NAALADL2: variants seen among roughly 807,000 people sequenced by gnomAD.
NAALADL2 encodes the protein N-acetylated alpha-linked acidic dipeptidase like 2.
Under a neutral mutation model 87.2 loss-of-function variants are expected in NAALADL2, and 76 were observed. The observed-to-expected ratio is 0.87, with a 90% confidence interval of 0.72 to 1.05. The LOEUF is 1.05. Ranked by LOEUF, NAALADL2 falls within the 50% of genes least tolerant of loss-of-function variation. The pLI, the probability that NAALADL2 is intolerant of heterozygous loss-of-function variation, is 0.00. For missense variants in NAALADL2, 1,089 were observed against 945.8 expected (o/e 1.15, Z -1.99); for synonymous variants, 354 against 331.0 (o/e 1.07, Z -0.75).
intron 1 of NAALADL2, among the ~76,000 whole-genome samples, chr3:174,892,921 C>CAAAAAAAAA (rs35081771): frequency 3.7e-5 from 4 of 108,530 alleles, no homozygotes; most frequent in African/African-American, 1.3e-4. Context: ...GACTCCAACT[C>CAAAAAAAAA]AAAAAAAAAA....
intron 1 of NAALADL2, among the ~76,000 whole-genome samples, chr3:174,885,169 C>A (rs1159323751): frequency 1.3e-5 from 2 of 152,194 alleles, no homozygotes; most frequent in Admixed American, 1.3e-4. Context: ...GGGTCCCATT[C>A]TTTCCCAATC....
At chr3:175,801,227 C>T (rs1222661127) in intron 13 of NAALADL2, among the ~76,000 whole-genome samples, 3 of 152,124 alleles carry the variant, frequency 2.0e-5, no homozygotes, top group South Asian at 4.1e-4. Flanking sequence ...TCTCCAGGCT[C>T]TACATTACAA....
intron 1 of NAALADL2, among the ~76,000 whole-genome samples, chr3:175,085,663 G>A (rs538486072): frequency 1.8e-4 from 28 of 152,260 alleles, no homozygotes; most frequent in South Asian, 6.2e-4. Flanking sequence ...GGTGGCTCAC[G>A]CCTGTAATCC....
chr3:175,099,324 GCT>G (rs1294299041), intron 2 of NAALADL2, among the ~76,000 whole-genome samples: 2 of 152,140 alleles, frequency 1.3e-5, no homozygotes, highest in Non-Finnish European at 2.9e-5. Context: ...GTCAAAGCTA[GCT>G]CTGAAAGCAT....
intron 2 of NAALADL2, among the ~76,000 whole-genome samples, chr3:174,691,154 G>A (rs1003824133): frequency 1.3e-5 from 2 of 152,174 alleles, no homozygotes; most frequent in Admixed American, 1.3e-4. Flanking sequence ...GCTTATGCCT[G>A]TAATCCCAGC....
chr3:175,611,022 A>C (rs116947112), intron 10 of NAALADL2, among the ~76,000 whole-genome samples: 1 of 152,128 alleles, frequency 6.6e-6, no homozygotes, highest in Non-Finnish European at 1.5e-5. Context: ...TCAGAGAGCT[A>C]AAGTGCATAA....
intron 1 of NAALADL2, among the ~76,000 whole-genome samples, chr3:174,896,822 CA>C (rs1731593403): frequency 6.6e-6 from 1 of 152,074 alleles, no homozygotes; most frequent in Non-Finnish European, 1.5e-5. Flanking sequence ...GGCATAAAAA[CA>C]GACACATAGA....
intron 4 of NAALADL2, among the ~76,000 whole-genome samples, chr3:175,288,723 T>G (rs191143755): frequency 6.6e-6 from 1 of 152,320 alleles, no homozygotes; most frequent in East Asian, 1.9e-4. Flanking sequence ...GTTAAATACA[T>G]TAATATTACC....
intron 11 of NAALADL2, among the ~76,000 whole-genome samples, chr3:175,632,380 C>T (rs1446985376): frequency 6.6e-6 from 1 of 151,134 alleles, no homozygotes; most frequent in African/African-American, 2.4e-5. Context: ...TTCCTGAGGT[C>T]TTCTAGCCAT....
At chr3:174,949,249 G>A (rs1421609541) in intron 1 of NAALADL2, among the ~76,000 whole-genome samples, 1 of 152,034 alleles carries the variant, frequency 6.6e-6, no homozygotes, top group Non-Finnish European at 1.5e-5. Context: ...CCTTCAAATG[G>A]GCTTTCTCAC....
intron 2 of NAALADL2, among the ~76,000 whole-genome samples, chr3:175,124,975 A>G (rs896729264): frequency 6.6e-6 from 1 of 151,888 alleles, no homozygotes; most frequent in African/African-American, 2.4e-5. Flanking sequence ...GCAGTTTTCA[A>G]ACATGGGTGA....
intron 3 of NAALADL2, among the ~76,000 whole-genome samples, chr3:174,765,664 A>G (rs939913367): frequency 6.6e-6 from 1 of 152,068 alleles, no homozygotes; most frequent in South Asian, 2.1e-4. Flanking sequence ...TGAATACAGG[A>G]TTTATTTTTT....
chr3:174,669,825 C>T lies in NAALADL2; in HGVS notation c.-114-67816C>T, dbSNP rs556871792. Among the ~76,000 whole-genome samples the T allele has an allele frequency of 9.2e-5, 14 of 151,948 alleles. 1 individual carries two copies. The South Asian group carries it at 1.7e-3, about 18-fold the overall frequency. On this transcript the variant is annotated intron_variant, in intron 2 of 3. Transcript: ENST00000434257. ...GTTAATTGAATCTGTAGGTAGCTTTCGATAGTATGAATATTTAACAATATA... is the reference window on the plus strand; with the variant it reads ...GTTAATTGAATCTGTAGGTAGCTTTTGATAGTATGAATATTTAACAATATA...
intron 5 of NAALADL2, among the ~76,000 whole-genome samples, chr3:175,363,307 CT>C (rs901943223): frequency 2.0e-5 from 3 of 147,194 alleles, no homozygotes; most frequent in Non-Finnish European, 4.5e-5. Context: ...TGTACAATGT[CT>C]TTTTTTGGTG....
chr3:174,657,312 A>G (rs919798908), intron 2 of NAALADL2, among the ~76,000 whole-genome samples: 1 of 151,922 alleles, frequency 6.6e-6, no homozygotes, highest in African/African-American at 2.4e-5. Flanking sequence ...AGCTGCCACT[A>G]TGCCCAGCTA....
At chr3:174,626,570 G>A (rs490160) in intron 2 of NAALADL2, among the ~76,000 whole-genome samples, 97,129 of 151,358 alleles carry the variant, frequency 0.64, 32,501 homozygotes, top group East Asian at 0.86. Flanking sequence ...GAAGTATTGT[G>A]TATAGTAACA....
chr3:175,579,851 A>G (rs1487170412), intron 10 of NAALADL2, among the ~76,000 whole-genome samples: 1 of 150,730 alleles, frequency 6.6e-6, no homozygotes, highest in Non-Finnish European at 1.5e-5. Context: ...TTTATTCTCT[A>G]CAGGGCATGC....
At chr3:175,091,957 T>C (rs558803321) in intron 1 of NAALADL2, among the ~76,000 whole-genome samples, 12 of 151,952 alleles carry the variant, frequency 7.9e-5, no homozygotes, top group Non-Finnish European at 1.3e-4. Context: ...AGGTCATAGG[T>C]TAATTTAGTT....
rs974789111 is a variant in NAALADL2, at chr3:175,180,975, T to C, written c.546-52956T>C. Among the ~76,000 whole-genome samples the C allele has an allele frequency of 2.6e-5, 4 of 152,160 alleles. No individual in the cohort carries two copies. The East Asian group carries it at 7.7e-4, about 29-fold the overall frequency. On this transcript the variant is annotated intron_variant, in intron 2 of 13. Transcript: ENST00000454872. ...CCATTGAGCTCTAAAGTTTTGTTAA[T>C]AACTGTGCTATATAGCTGTGTGTGT... is the stretch of plus-strand genomic sequence containing the variant.
Sources: allele counts gnomAD v4.1 joint callset (sites outside exome capture counted in the v4.1 genomes callset), GRCh38; gene constraint gnomAD v4.1.1; transcripts MANE v1.5; gene names NCBI Gene and HGNC (gene_info 2026-07-23, HGNC 2026-07-21).